Variants in FYN observed in about 807,000 individuals in gnomAD.
The protein encoded by FYN is FYN proto-oncogene, Src family tyrosine kinase, also known as tyrosine-protein kinase Fyn.
Under a neutral mutation model 70.2 loss-of-function variants are expected in FYN, and 10 were observed. The observed-to-expected ratio is 0.14, with a 90% CI of 0.09 to 0.24. FYN has a LOEUF of 0.24. FYN is among the 10% of genes least tolerant of loss of function. FYN has a pLI of 1.00. For synonymous variants in FYN, 236 were observed against 248.6 expected, an observed-to-expected ratio of 0.95 and a Z score of 0.48; for missense variants, 319 against 673.1, an observed-to-expected ratio of 0.47 and a Z score of 5.82.
chr6:111,790,982 C>G (rs879332688), intron 2 of FYN, among the ~76,000 whole-genome samples: 14 of 152,180 alleles, frequency 9.2e-5, no homozygotes, highest in Non-Finnish European at 1.8e-4. Context: ...CAATTCTCCT[C>G]GCAATTGCAT....
chr6:111,691,114 G>GAAGCAA (rs1799296944), intron 12 of FYN, among the ~76,000 whole-genome samples: 1 of 152,206 alleles, frequency 6.6e-6, no homozygotes, highest in Non-Finnish European at 1.5e-5. Context: ...CTTCTAGAGT[G>GAAGCAA]CTGTCAGTGG....
intron 2 of FYN, among the ~76,000 whole-genome samples, chr6:111,799,410 G>C (rs1174846272): frequency 2.0e-5 from 3 of 152,294 alleles, no homozygotes; most frequent in African/African-American, 7.2e-5. Flanking sequence ...ACATTAAAAT[G>C]GGATGTGCCT....
At position 111,661,605 on chromosome 6, in the gene FYN, G is replaced by A. The variant is rs1022981332; in HGVS notation, c.*134C>T. The stretch of plus-strand genomic sequence containing the variant: ...TCATTAATGAGGGCCATGGAAGTTC[G>A]TCAGCTTCAGAGTCACATGCAATCT... On this transcript the variant is annotated 3_prime_UTR_variant, in exon 14 of 14. Coordinates refer to ENST00000354650, the MANE Select transcript of FYN (RefSeq NM_002037.5). This position sits in a 1 kb window ranked among gnomAD's most constrained non-coding sequence, Gnocchi z 4.0. 1.3e-5 allele frequency: 10 copies of A among 797,610 alleles called. No individual in the cohort carries two copies. Among genetic ancestry groups the A allele is most frequent in the African/African-American group, 1.0e-4 (6 of 58,022 alleles). 49.4% of individuals were successfully genotyped at this position (797,610 alleles called of 1,614,324 possible). A position where few individuals can be genotyped will look rare whatever the true frequency, so the allele number is the denominator to read the frequency against.
At chr6:111,730,279 GT>G (rs1562494646) in intron 3 of FYN, among the ~76,000 whole-genome samples, 1 of 152,218 alleles carries the variant, frequency 6.6e-6, no homozygotes, top group Non-Finnish European at 1.5e-5. Context: ...AGAGGATCCT[GT>G]AGGGGACAAG....
At chr6:111,671,221 T>C (rs1798253736) in intron 13 of FYN, among the ~76,000 whole-genome samples, 2 of 152,220 alleles carry the variant, frequency 1.3e-5, no homozygotes, top group Non-Finnish European at 2.9e-5. Flanking sequence ...AGTTTGAGAT[T>C]GTCGTCTTCC....
chr6:111,713,816 C>T (rs1800497441), intron 5 of FYN, among the ~76,000 whole-genome samples: 1 of 152,186 alleles, frequency 6.6e-6, no homozygotes, highest in East Asian at 1.9e-4. Context: ...CTTCTTCTAG[C>T]TCCAAAAGAT....
At chr6:111,799,220 T>C (rs546156520) in intron 2 of FYN, among the ~76,000 whole-genome samples, 2 of 152,334 alleles carry the variant, frequency 1.3e-5, no homozygotes, top group South Asian at 4.1e-4. Flanking sequence ...AAATTTAACA[T>C]TTCTAAGAAA....
At chr6:111,718,114 CTG>C (rs1048874337) in intron 4 of FYN, among the ~76,000 whole-genome samples, 6 of 152,204 alleles carry the variant, frequency 3.9e-5, no homozygotes, top group African/African-American at 2.4e-5. Flanking sequence ...GCCAGCCCCA[CTG>C]TGTGGAAGGC....
At position 111,720,097 on chromosome 6, in the gene FYN, G is replaced by C. The variant is rs770437640; in HGVS notation, c.-11-35C>G. ...ACAAAAAAGGGGGCACGTAAGCTGG[G>C]ATGCTCCCTAGTTGCTGGGTTGCTC... On this transcript the variant is annotated intron_variant, in intron 3 of 13. Coordinates refer to ENST00000354650, the MANE Select transcript of FYN (RefSeq NM_002037.5). The C allele has an allele frequency of 7.7e-6, 12 of 1,551,202 alleles. No homozygotes were observed. The African/African-American group carries it at 1.6e-4, about 21-fold the overall frequency.
chr6:111,861,949 C>T (rs1032312962), intron 1 of FYN, among the ~76,000 whole-genome samples: 6 of 152,206 alleles, frequency 3.9e-5, no homozygotes, highest in African/African-American at 1.2e-4. Context: ...GGAGATTCTA[C>T]TACAAAGTAA....
At chr6:111,862,786 C>G (rs948088069) in intron 1 of FYN, among the ~76,000 whole-genome samples, 1 of 152,102 alleles carries the variant, frequency 6.6e-6, no homozygotes, top group African/African-American at 2.4e-5. Flanking sequence ...TTGAGAGATA[C>G]AAGTGTTCAA....
chr6:111,694,609 G>A lies in FYN; in HGVS notation c.1119+19C>T. Reference sequence around the variant, plus strand: ...CGTCATTAAATCTATGGCACATCAAGTTACCCTGCAGGGCCTACCTGTGCT... The same window carrying A: ...CGTCATTAAATCTATGGCACATCAAATTACCCTGCAGGGCCTACCTGTGCT... On this transcript the variant is annotated intron_variant, in intron 11 of 13. Transcript: ENST00000354650. The surrounding 1 kb of genome is among the most constrained non-coding windows in gnomAD (Gnocchi z 5.0). 6.2e-7 allele frequency: 1 copy of A among 1,613,810 alleles called. No individual in the cohort carries two copies. The highest frequency in any genetic ancestry group is 8.5e-7 in the Non-Finnish European group (1 of 1,179,814).
At chr6:111,830,373 A>G (rs201222525) in intron 2 of FYN, among the ~76,000 whole-genome samples, 26 of 152,294 alleles carry the variant, frequency 1.7e-4, no homozygotes, top group African/African-American at 6.3e-4. Context: ...ATAAATTGGC[A>G]ATTTAAAATT....
At chr6:111,775,359 G>A (rs542855694) in intron 3 of FYN, among the ~76,000 whole-genome samples, 32 of 152,276 alleles carry the variant, frequency 2.1e-4, no homozygotes, top group African/African-American at 7.7e-4. Flanking sequence ...CAAGGAATCT[G>A]GTTTAGAATG....
chr6:111,721,603 C>G (rs1800947933), intron 3 of FYN, among the ~76,000 whole-genome samples: 1 of 151,978 alleles, frequency 6.6e-6, no homozygotes, highest in African/African-American at 2.4e-5. Flanking sequence ...TGGGGTTTCA[C>G]CATGTTGGTC....
chr6:111,721,832 C>A (rs1261237981), intron 3 of FYN, among the ~76,000 whole-genome samples: 1 of 152,160 alleles, frequency 6.6e-6, no homozygotes, highest in African/African-American at 2.4e-5. Context: ...AATACCCCAA[C>A]AAGCCAACAG....
chr6:111,694,323 A>G lies in FYN; in HGVS notation c.1273+52T>C. ...AGGAGGAAGGAAGGGCTGTGCAGTA[A>G]GTGACTGTTCTCACAGCTGTGATCA... On this transcript the variant is annotated intron_variant, in intron 12 of 13. Transcript: ENST00000354650. The surrounding 1 kb of genome is among the most constrained non-coding windows in gnomAD (Gnocchi z 5.0). The G allele has an allele frequency of 6.2e-7, 1 of 1,603,174 alleles. No individual in the cohort carries two copies. The highest frequency in any genetic ancestry group is 1.1e-5 in the South Asian group (1 of 90,250).
At chr6:111,812,946 C>T (rs746598405) in intron 2 of FYN, among the ~76,000 whole-genome samples, 3 of 152,112 alleles carry the variant, frequency 2.0e-5, no homozygotes, top group Non-Finnish European at 4.4e-5. Context: ...ATATTATACA[C>T]GATTGTTGCC....
intron 2 of FYN, among the ~76,000 whole-genome samples, chr6:111,822,576 A>C (rs1013225096): frequency 3.3e-5 from 5 of 152,038 alleles, no homozygotes; most frequent in Admixed American, 1.3e-4. Flanking sequence ...ACATGTATAC[A>C]TATGTAACAA....
Sources: allele counts gnomAD v4.1 joint callset (sites outside exome capture counted in the v4.1 genomes callset), GRCh38; gene constraint gnomAD v4.1.1; non-coding constraint Gnocchi (gnomAD v3.1); transcripts MANE v1.5; gene names NCBI Gene and HGNC (gene_info 2026-07-23, HGNC 2026-07-21).